The following RGS5 variants were observed in gnomAD, a reference collection of about 807,000 sequenced individuals.
RGS5 encodes regulator of G-protein signalling 5.
In RGS5, 20 loss-of-function variants were observed where a neutral mutation model predicts 18.9. That is an observed-to-expected ratio of 1.06 (90% CI 0.74 to 1.54). RGS5 has a LOEUF of 1.54. Ranked by LOEUF, RGS5 falls within the 40% of genes most tolerant of loss-of-function variation. The pLI, the probability that RGS5 is intolerant of heterozygous loss-of-function variation, is 0.00. For synonymous variants in RGS5, 57 were observed against 76.2 expected, an observed-to-expected ratio of 0.75 and a Z score of 1.31; for missense variants, 201 against 211.8, an observed-to-expected ratio of 0.95 and a Z score of 0.32.
In RGS5 at chr1:163,142,575, T is replaced by C. The variant is rs1191183863; in HGVS notation, c.*4767A>G. ...ATTAAAAAAAAATAGCTCCTTCAAA[T>C]CCTGACACTATATGACATAAAAAGA... is the stretch of plus-strand genomic sequence containing the variant. On this transcript the variant is annotated 3_prime_UTR_variant, in exon 5 of 5. Coordinates refer to ENST00000313961, the MANE Select transcript of RGS5 (RefSeq NM_003617.4). 1.3e-5 allele frequency: 2 copies of C among 152,078 alleles called. No homozygotes were observed. Among genetic ancestry groups the C allele is most frequent in the African/African-American group, 2.4e-5 (1 of 41,410 alleles). 9.4% of individuals were successfully genotyped at this position (152,078 alleles called of 1,614,324 possible).
upstream of RGS5, among the ~76,000 whole-genome samples, chr1:163,219,402 C>A (rs912116297): frequency 6.6e-6 from 1 of 152,146 alleles, no homozygotes; most frequent in South Asian, 2.1e-4. Context: ...CTAATCCATA[C>A]TTTTGCATCT....
At chr1:163,166,922 G>C (rs998444012) in intron 2 of RGS5, among the ~76,000 whole-genome samples, 1 of 152,120 alleles carries the variant, frequency 6.6e-6, no homozygotes, top group Non-Finnish European at 1.5e-5. Flanking sequence ...TAGATGTTTT[G>C]ATCTGTTGCT....
intron 2 of RGS5, among the ~76,000 whole-genome samples, chr1:163,254,025 C>T (rs1394631071): frequency 1.3e-5 from 2 of 150,738 alleles, no homozygotes; most frequent in African/African-American, 2.4e-5. Flanking sequence ...GTATATGTGC[C>T]ACATTTTCTT....
In RGS5 at chr1:163,144,088, G is replaced by T. The variant is rs3806368; in HGVS notation, c.*3254C>A. The T allele has an allele frequency of 6.6e-6, 1 of 151,950 alleles. No individual in the cohort carries two copies. The highest frequency in any genetic ancestry group is 1.9e-4 in the East Asian group (1 of 5,182). The allele number at this position is 151,950 out of a possible 1,614,324, so 9.4% of individuals were successfully genotyped here. A position where few individuals can be genotyped will look rare whatever the true frequency, so the allele number is the denominator to read the frequency against. ...CATACAGTAGAGAATTTGAGTACAC[G>T]GGGTATGGAGAGTAGGGCACAAAAT... On this transcript the variant is annotated 3_prime_UTR_variant, in exon 5 of 5. Transcript: ENST00000313961.
At chr1:163,152,512 G>C (rs367673263) in intron 4 of RGS5, 38 bp downstream of exon 4, 54 of 1,568,896 alleles carry the variant, frequency 3.4e-5, no homozygotes, top group Admixed American at 2.1e-4. Flanking sequence ...GAGAGCTAAT[G>C]AGCTGCCCTT....
intron 2 of RGS5, among the ~76,000 whole-genome samples, chr1:163,227,411 T>A (rs1487678995): frequency 6.6e-6 from 1 of 152,114 alleles, no homozygotes; most frequent in Non-Finnish European, 1.5e-5. Flanking sequence ...GCCAGATGCT[T>A]ATACAACCAT....
At chr1:163,163,494 T>A (rs1657900454) in intron 2 of RGS5, among the ~76,000 whole-genome samples, 1 of 145,668 alleles carries the variant, frequency 6.9e-6, no homozygotes, top group African/African-American at 2.5e-5. Context: ...GAAAAAAAAA[T>A]GGCATGAACG....
At chr1:163,186,835 A>G (rs567238197) in intron 1 of RGS5, among the ~76,000 whole-genome samples, 1 of 152,302 alleles carries the variant, frequency 6.6e-6, no homozygotes, top group African/African-American at 2.4e-5. Context: ...TCAGTCTGTG[A>G]TTCTAAGCTG....
At chr1:163,242,695 T>A (rs111343203) in intron 2 of RGS5, among the ~76,000 whole-genome samples, 1 of 152,090 alleles carries the variant, frequency 6.6e-6, no homozygotes, top group Non-Finnish European at 1.5e-5. Context: ...TAGCCTACTA[T>A]GAGAAGAGCT....
chr1:163,219,665 A>G (rs968730611), upstream of RGS5, among the ~76,000 whole-genome samples: 1 of 152,218 alleles, frequency 6.6e-6, no homozygotes, highest in African/African-American at 2.4e-5. Context: ...TTAATTTCCA[A>G]TATAATACAT....
chr1:163,228,683 T>C (rs1047584268), intron 2 of RGS5, among the ~76,000 whole-genome samples: 1 of 152,226 alleles, frequency 6.6e-6, no homozygotes, highest in Non-Finnish European at 1.5e-5. Context: ...TTCTTTTCTA[T>C]TGCATCATCA....
chr1:163,276,291 G>T (rs1571335131), intron 2 of RGS5, among the ~76,000 whole-genome samples: 4 of 152,174 alleles, frequency 2.6e-5, no homozygotes, highest in Admixed American at 2.6e-4. Flanking sequence ...ACCGCACCCA[G>T]CTATGTGGCA....
intron 1 of RGS5, among the ~76,000 whole-genome samples, chr1:163,194,630 T>C (rs1659490680): frequency 6.6e-6 from 1 of 152,086 alleles, no homozygotes; most frequent in African/African-American, 2.4e-5. Context: ...CCTCTTATAC[T>C]TGTGTCTAAA....
intron 1 of RGS5, among the ~76,000 whole-genome samples, chr1:163,198,499 T>C (rs1571279637): frequency 6.6e-6 from 1 of 152,182 alleles, no homozygotes; most frequent in South Asian, 2.1e-4. Flanking sequence ...TACTTTTATA[T>C]ATTTAAAGAA....
chr1:163,179,428 TTTA>T (rs915201259), intron 1 of RGS5, among the ~76,000 whole-genome samples: 8 of 152,206 alleles, frequency 5.3e-5, no homozygotes, highest in East Asian at 3.9e-4. Flanking sequence ...AGTGGCAAGG[TTTA>T]TTATTATTAT....
chr1:163,321,167 T>C (rs966147449), intron 1 of RGS5: 2 of 152,214 alleles, frequency 1.3e-5, no homozygotes, highest in African/African-American at 4.8e-5. Context: ...CACTCAGGAA[T>C]GTGCAAATTT....
At chr1:163,275,230 T>A (rs899488095) in intron 2 of RGS5, among the ~76,000 whole-genome samples, 2 of 152,208 alleles carry the variant, frequency 1.3e-5, no homozygotes, top group East Asian at 3.8e-4. Flanking sequence ...TCTACGGATG[T>A]ATGGTAGGCT....
intron 1 of RGS5, among the ~76,000 whole-genome samples, chr1:163,318,137 C>T (rs1650076006): frequency 6.6e-6 from 1 of 151,992 alleles, no homozygotes. Flanking sequence ...ATAGTCCAGA[C>T]AAAGTCAACA....
chr1:163,173,416 C>G (rs552920548), intron 1 of RGS5, among the ~76,000 whole-genome samples: 143 of 152,246 alleles, frequency 9.4e-4, no homozygotes, highest in African/African-American at 3.3e-3. Flanking sequence ...AGTTTTAAAT[C>G]TGCTCCCTGT....
Sources: gnomAD v4.1 joint callset for allele counts (sites outside exome capture counted in the v4.1 genomes callset) on GRCh38, gnomAD v4.1.1 for gene constraint, MANE v1.5 for transcripts, NCBI Gene and HGNC (gene_info 2026-07-23, HGNC 2026-07-21) for gene names.